IL1RAPL1: variants seen among roughly 807,000 people sequenced by gnomAD.
IL1RAPL1 encodes interleukin 1 receptor accessory protein like 1, also known as interleukin-1 receptor accessory protein-like 1.
A neutral mutation model predicts 48.4 loss-of-function variants in IL1RAPL1; 3 were observed. The ratio of observed to expected loss-of-function variants is 0.06; its 90% CI spans 0.03 to 0.16. The LOEUF (loss-of-function observed/expected upper bound fraction) is 0.16, where lower values mean the gene tolerates loss of function less well. Among genes scored for constraint, IL1RAPL1 ranks in the 10% least tolerant of loss-of-function variants. IL1RAPL1 has a pLI of 1.00. For missense variants in IL1RAPL1, 349 were observed against 530.6 expected (o/e 0.66, Z 3.36); for synonymous variants, 185 against 187.7 (o/e 0.99, Z 0.12).
intron 8 of IL1RAPL1, among the ~76,000 whole-genome samples, chrX:29,939,346 A>G (rs982522915): frequency 3.6e-5 from 4 of 111,914 alleles, no homozygotes; most frequent in African/African-American, 1.3e-4. Flanking sequence ...CTTATTTCTC[A>G]CATTATATCC....
chrX:29,307,229 T>A (rs1048662544), intron 3 of IL1RAPL1, among the ~76,000 whole-genome samples: 2 of 112,240 alleles, frequency 1.8e-5, no homozygotes, highest in African/African-American at 3.2e-5. Flanking sequence ...CGCATATGTT[T>A]TTCTAATGTT....
At chrX:29,665,297 A>G (rs368796078) in intron 5 of IL1RAPL1, among the ~76,000 whole-genome samples, 2 of 112,755 alleles carry the variant, frequency 1.8e-5, no homozygotes, top group South Asian at 3.6e-4. Flanking sequence ...TTTCTTAACT[A>G]TAAAAAGCCA....
chrX:29,544,359 G>C (rs748896189), intron 5 of IL1RAPL1, among the ~76,000 whole-genome samples: 2 of 112,061 alleles, frequency 1.8e-5, no homozygotes, highest in African/African-American at 6.5e-5. Context: ...ATCAAAAGTT[G>C]CTCAGTGCTA....
At chrX:29,453,199 G>C (rs746012736) in intron 5 of IL1RAPL1, among the ~76,000 whole-genome samples, 1 of 109,939 alleles carries the variant, frequency 9.1e-6, no homozygotes, top group Admixed American at 9.8e-5. Context: ...TGCAGATTTT[G>C]TTTCTCACAT....
At chrX:29,026,021 A>G (rs1381343683) in intron 2 of IL1RAPL1, among the ~76,000 whole-genome samples, 1 of 111,829 alleles carries the variant, frequency 8.9e-6, no homozygotes, top group Admixed American at 9.5e-5. Context: ...AAGTCCAACC[A>G]TACTAGGAAG....
Position 29,399,326 on chromosome X carries a change from T to C in IL1RAPL1, c.703+18T>C, listed in dbSNP as rs2147688251. The C allele has an allele frequency of 8.5e-7, 1 of 1,170,213 alleles. No individual in the cohort carries two copies. The highest frequency in any genetic ancestry group is 3.0e-5 in the East Asian group (1 of 33,526). On this transcript the variant is annotated intron_variant, in intron 5 of 10. Coordinates refer to ENST00000378993, the MANE Select transcript of IL1RAPL1 (RefSeq NM_014271.4). ...TGTTACAGGTAATCACAGTCTTCAA[T>C]ATTTCACTTGCAAGTGATGAAACTA... is the stretch of plus-strand genomic sequence containing the variant.
chrX:28,710,302 C>T (rs1300206356), intron 1 of IL1RAPL1, among the ~76,000 whole-genome samples: 2 of 97,433 alleles, frequency 2.1e-5, no homozygotes, highest in East Asian at 6.3e-4. Context: ...AGAAGTATAT[C>T]AGTGCATGAA....
intron 3 of IL1RAPL1, among the ~76,000 whole-genome samples, chrX:29,313,940 A>G (rs949625375): frequency 1.2e-4 from 13 of 112,475 alleles, no homozygotes; most frequent in Non-Finnish European, 1.7e-4. Context: ...AATATTAAAA[A>G]CACAGGTATT....
chrX:29,598,328 A>G (rs1206044241), intron 5 of IL1RAPL1, among the ~76,000 whole-genome samples: 1 of 112,057 alleles, frequency 8.9e-6, no homozygotes, highest in African/African-American at 3.2e-5. Context: ...ATGTATTTGC[A>G]TGGTTTTGAG....
chrX:29,473,555 T>G (rs1934942869), intron 5 of IL1RAPL1, among the ~76,000 whole-genome samples: 1 of 109,899 alleles, frequency 9.1e-6, no homozygotes. Context: ...AGATATTTCT[T>G]CAGCTAGAAC....
chrX:29,127,126 G>T (rs1928914680), intron 2 of IL1RAPL1, among the ~76,000 whole-genome samples: 2 of 110,760 alleles, frequency 1.8e-5, no homozygotes, highest in Admixed American at 9.7e-5. Flanking sequence ...CCTGCTGTTG[G>T]TGGTGGTGGT....
chrX:28,939,303 C>T lies in IL1RAPL1; in HGVS notation c.82+149878C>T, dbSNP rs578161848. Among the ~76,000 whole-genome samples, 25 of 111,240 alleles carry T rather than the reference C, an allele frequency of 2.2e-4. No homozygotes were observed. In the South Asian group the frequency reaches 9.0e-3, roughly 40 times the overall value. On this transcript the variant is annotated intron_variant, in intron 2 of 10. Coordinates refer to ENST00000378993, the MANE Select transcript of IL1RAPL1 (RefSeq NM_014271.4). Reference sequence around the variant, plus strand: ...AATCTAACTGTCCATCAATGACAGACTGGATAAAGAAAATCTGGTGCATAT... The same window carrying T: ...AATCTAACTGTCCATCAATGACAGATTGGATAAAGAAAATCTGGTGCATAT...
At chrX:29,722,997 TGTAA>T (rs1363867423) in intron 6 of IL1RAPL1, among the ~76,000 whole-genome samples, 1 of 112,134 alleles carries the variant, frequency 8.9e-6, no homozygotes, top group East Asian at 2.8e-4. Context: ...TTGTTACTGT[TGTAA>T]GTAAGTTTTT....
intron 5 of IL1RAPL1, among the ~76,000 whole-genome samples, chrX:29,621,074 G>A: frequency 8.9e-6 from 1 of 112,006 alleles, no homozygotes; most frequent in Non-Finnish European, 1.9e-5. Flanking sequence ...TACAGTGGAT[G>A]TTAAGAACAT....
intron 5 of IL1RAPL1, among the ~76,000 whole-genome samples, chrX:29,527,795 A>C (rs574268072): frequency 6.2e-5 from 7 of 112,503 alleles, no homozygotes; most frequent in South Asian, 3.6e-4. Context: ...TCCTTAATAT[A>C]TAAAGAACTT....
intron 2 of IL1RAPL1, among the ~76,000 whole-genome samples, chrX:28,960,229 A>G (rs916169267): frequency 5.4e-5 from 6 of 111,713 alleles, no homozygotes; most frequent in Non-Finnish European, 1.1e-4. Context: ...CCTATTACTC[A>G]TTAATTTTTC....
intron 2 of IL1RAPL1, among the ~76,000 whole-genome samples, chrX:28,805,790 CCTAA>C (rs1190658420): frequency 9.0e-6 from 1 of 110,557 alleles, no homozygotes; most frequent in Admixed American, 9.7e-5. Flanking sequence ...GTTTTATTTA[CCTAA>C]CTAAATAGTA....
chrX:28,637,178 A>G (rs1041522889), intron 1 of IL1RAPL1, among the ~76,000 whole-genome samples: 1 of 111,265 alleles, frequency 9.0e-6, no homozygotes, highest in Non-Finnish European at 1.9e-5. Context: ...CACCTCCTTC[A>G]TGTGCCACAG....
chrX:29,721,368 T>C (rs942240410), intron 6 of IL1RAPL1, among the ~76,000 whole-genome samples: 1 of 111,923 alleles, frequency 8.9e-6, no homozygotes, highest in Non-Finnish European at 1.9e-5. Flanking sequence ...TATCCTGGCA[T>C]GCTGTAGCAC....
Sources: gnomAD v4.1 joint callset for allele counts (sites outside exome capture counted in the v4.1 genomes callset) on GRCh38, gnomAD v4.1.1 for gene constraint, MANE v1.5 for transcripts, NCBI Gene and HGNC (gene_info 2026-07-23, HGNC 2026-07-21) for gene names.